UBXN7: variants seen among roughly 807,000 people sequenced by gnomAD.
UBXN7 encodes the protein UBX domain-containing protein 7.
In UBXN7, 9 loss-of-function variants were observed where a neutral mutation model predicts 58.0. That is an observed-to-expected ratio of 0.16 (90% confidence interval 0.09 to 0.27). UBXN7 has a LOEUF of 0.27. Ranked by LOEUF, UBXN7 falls within the 10% of genes least tolerant of loss-of-function variation. The pLI is 1.00. For synonymous variants in UBXN7, 208 were observed against 205.0 expected (o/e 1.01, Z -0.12); for missense variants, 328 against 599.6 (o/e 0.55, Z 4.73).
At chr3:196,359,276 C>A (rs548244407) in intron 10 of UBXN7, among the ~76,000 whole-genome samples, 2 of 152,190 alleles carry the variant, frequency 1.3e-5, no homozygotes, top group African/African-American at 4.8e-5. Flanking sequence ...CACACAAGAC[C>A]GCAAACTTAA....
chr3:196,422,401 C>A (rs1730716923), intron 1 of UBXN7, among the ~76,000 whole-genome samples: 1 of 151,676 alleles, frequency 6.6e-6, no homozygotes, highest in Non-Finnish European at 1.5e-5. Context: ...GGATTATTGA[C>A]CCCAGGAGCT....
intron 5 of UBXN7, among the ~76,000 whole-genome samples, chr3:196,375,221 A>G (rs1002416574): frequency 2.4e-4 from 36 of 150,914 alleles, no homozygotes; most frequent in African/African-American, 7.8e-4. Context: ...ACACACACAC[A>G]CACACGTAAA....
chr3:196,369,071 A>G (rs1185635976), intron 7 of UBXN7, among the ~76,000 whole-genome samples: 1 of 151,994 alleles, frequency 6.6e-6, no homozygotes, highest in Non-Finnish European at 1.5e-5. Context: ...TGATCCGCCC[A>G]CCTCGGCCTC....
chr3:196,386,528 C>T (rs1352630005), intron 5 of UBXN7, among the ~76,000 whole-genome samples: 1 of 151,806 alleles, frequency 6.6e-6, no homozygotes, highest in Admixed American at 6.6e-5. Flanking sequence ...TCTTAGGATA[C>T]AAAATCAATG....
At chr3:196,420,338 G>C (rs1730641146) in intron 1 of UBXN7, among the ~76,000 whole-genome samples, 1 of 151,958 alleles carries the variant, frequency 6.6e-6, no homozygotes, top group Non-Finnish European at 1.5e-5. Context: ...TTTGAGACCA[G>C]CTAACACCGC....
chr3:196,360,800 G>A (rs1398574716), intron 10 of UBXN7, among the ~76,000 whole-genome samples: 2 of 152,094 alleles, frequency 1.3e-5, no homozygotes, highest in Non-Finnish European at 2.9e-5. Context: ...GCGGTGAGAG[G>A]ATTACTTGAG....
At chr3:196,401,804 G>GAAAGA (rs1420982071) in intron 3 of UBXN7, among the ~76,000 whole-genome samples, 2 of 58,582 alleles carry the variant, frequency 3.4e-5, no homozygotes, top group Non-Finnish European at 7.6e-5. Context: ...AGAAAGGAAA[G>GAAAGA]AAAGAAAAGA....
At chr3:196,419,469 T>A (rs1415493469) in intron 1 of UBXN7, among the ~76,000 whole-genome samples, 1 of 152,122 alleles carries the variant, frequency 6.6e-6, no homozygotes, top group Non-Finnish European at 1.5e-5. Flanking sequence ...AAGCCAGTGC[T>A]AGAAAGAAGC....
intron 7 of UBXN7, 23 bp downstream of exon 7, chr3:196,369,398 C>A (rs541374608): frequency 1.8e-5 from 27 of 1,540,914 alleles, no homozygotes; most frequent in Admixed American, 6.8e-5. Flanking sequence ...AGGTTAAAAG[C>A]TGCGTGCTGA....
rs1434785702 is a variant in UBXN7 at position 196,362,364 on chromosome 3, A to G, written c.1158T>C (p.Ala386=). The change falls in exon 9 of 11, where the codon GCT becomes GCC. Residue 386 remains alanine, a synonymous_variant. Transcript: ENST00000296328. ...GTATNHQGLP[A]VDSEILEMPP... ...GCATCTCCAGTATCTCTGAATCCAC[A>G]GCTGGCAATCCTTGGTGGTTTGTGG... 2 of 1,614,116 alleles carry G rather than the reference A, an allele frequency of 1.2e-6. No homozygotes were observed. Among genetic ancestry groups the G allele is most frequent in the Admixed American group, 3.3e-5 (2 of 60,014 alleles).
intron 5 of UBXN7, among the ~76,000 whole-genome samples, chr3:196,375,133 T>C (rs751462495): frequency 3.1e-4 from 47 of 150,744 alleles, no homozygotes; most frequent in South Asian, 1.0e-3. Context: ...CTTAATAATA[T>C]CGTATTATAC....
intron 5 of UBXN7, among the ~76,000 whole-genome samples, chr3:196,382,181 A>G (rs535139740): frequency 8.5e-5 from 13 of 152,206 alleles, no homozygotes; most frequent in Non-Finnish European, 1.6e-4. Context: ...CCCAAGACAC[A>G]TAATTGTCAG....
At position 196,356,525 on chromosome 3, in the gene UBXN7, G is replaced by C. The variant is rs1020824401; in HGVS notation, c.*160C>G. On this transcript the variant is annotated 3_prime_UTR_variant, in exon 11 of 11. Coordinates refer to ENST00000296328, the MANE Select transcript of UBXN7 (RefSeq NM_015562.2). ...GGAGAAAGAAACAAAGGGGGAGAAA[G>C]AGACTGATTATAGGAGAGATCAAGA... is the stretch of plus-strand genomic sequence containing the variant. 9.8e-6 allele frequency: 7 copies of C among 714,782 alleles called. No homozygotes were observed. The highest frequency in any genetic ancestry group is 3.6e-5 in the Admixed American group (1 of 27,970). 44.3% of individuals were successfully genotyped at this position (714,782 alleles called of 1,614,324 possible).
chr3:196,391,166 C>T (rs1729570107), intron 5 of UBXN7, among the ~76,000 whole-genome samples: 1 of 152,030 alleles, frequency 6.6e-6, no homozygotes, highest in Non-Finnish European at 1.5e-5. Flanking sequence ...GCTAACAAAC[C>T]ACACACACTA....
intron 5 of UBXN7, among the ~76,000 whole-genome samples, chr3:196,381,516 C>T (rs1729204693): frequency 6.6e-6 from 1 of 152,194 alleles, no homozygotes; most frequent in Non-Finnish European, 1.5e-5. Context: ...GTAGATAAAA[C>T]CGCAAAGATG....
At chr3:196,380,633 G>A (rs980363474) in intron 5 of UBXN7, among the ~76,000 whole-genome samples, 1 of 152,268 alleles carries the variant, frequency 6.6e-6, no homozygotes, top group Non-Finnish European at 1.5e-5. Flanking sequence ...TGGGTGGAGA[G>A]CGGGTGCAGC....
At chr3:196,381,029 A>G (rs1016371877) in intron 5 of UBXN7, among the ~76,000 whole-genome samples, 6 of 152,238 alleles carry the variant, frequency 3.9e-5, no homozygotes, top group Non-Finnish European at 8.8e-5. Context: ...TACTGCCCCT[A>G]AACTCCACCT....
chr3:196,398,938 A>ACGTC (rs1729863683), intron 3 of UBXN7, among the ~76,000 whole-genome samples: 1 of 152,102 alleles, frequency 6.6e-6, no homozygotes, highest in Non-Finnish European at 1.5e-5. Context: ...GTGAGTCACC[A>ACGTC]CGTCCGGCCA....
intron 5 of UBXN7, among the ~76,000 whole-genome samples, chr3:196,380,094 CA>C (rs1273431781): frequency 2.6e-5 from 4 of 151,824 alleles, no homozygotes; most frequent in African/African-American, 9.7e-5. Flanking sequence ...TTAAAAAATA[CA>C]AAAAATCAGC....
Sources: allele counts gnomAD v4.1 joint callset (sites outside exome capture counted in the v4.1 genomes callset), GRCh38; gene constraint gnomAD v4.1.1; transcripts MANE v1.5; gene names NCBI Gene and HGNC (gene_info 2026-07-23, HGNC 2026-07-21).